The following FAM161A variants were observed in gnomAD, a reference collection of about 807,000 sequenced individuals.
FAM161A encodes protein FAM161A.
FAM161A carries 57 observed loss-of-function variants against 70.9 expected under a neutral mutation model. The ratio of observed to expected loss-of-function variants is 0.80; its 90% CI spans 0.65 to 1.00. FAM161A has a LOEUF of 1.00. Among genes scored for constraint, FAM161A ranks in the 50% least tolerant of loss-of-function variants. The probability of loss-of-function intolerance (pLI) is 0.00; values close to 1 mark genes in which losing one functional copy is unlikely to be tolerated. For synonymous variants in FAM161A, 299 were observed against 295.7 expected, an observed-to-expected ratio of 1.01 and a Z score of -0.12; for missense variants, 880 against 836.0, an observed-to-expected ratio of 1.05 and a Z score of -0.65.
chr2:61,847,005 A>AAC (rs61466786), intron 1 of FAM161A: 426,326 of 436,868 alleles, frequency 0.98, 208,126 homozygotes, highest in East Asian at 1. Context: ...CTCTACTAAA[A>AAC]ACAAAACTTA....
chr2:61,851,921 A>G (rs577726324), intron 1 of FAM161A, among the ~76,000 whole-genome samples: 3 of 152,264 alleles, frequency 2.0e-5, no homozygotes, highest in East Asian at 1.9e-4. Flanking sequence ...GTTAGGTATA[A>G]TATTTGACTT....
At chr2:61,832,242 C>CAAAAAAAAAAAAAAAAA (rs752145480) in intron 5 of FAM161A, among the ~76,000 whole-genome samples, 1 of 137,312 alleles carries the variant, frequency 7.3e-6, no homozygotes. Flanking sequence ...GACCCTGTCA[C>CAAAAAAAAAAAAAAAAA]ACACACACAA....
the FAM161A span, among the ~76,000 whole-genome samples, chr2:61,808,450 T>C: frequency 3.9e-5 from 6 of 152,104 alleles, no homozygotes; most frequent in Admixed American, 3.9e-4. Context: ...TTCTTTGTAT[T>C]TTTAGTAGAA....
At chr2:61,827,083 C>G (rs748527577) in intron 6 of FAM161A, 21 bp downstream of exon 6, 11 of 1,611,970 alleles carry the variant, frequency 6.8e-6, no homozygotes, top group Non-Finnish European at 9.3e-6. Context: ...GTAAGCCATT[C>G]AGACATCTTA....
downstream of FAM161A, among the ~76,000 whole-genome samples, chr2:61,823,589 C>T (rs1343538799): frequency 6.6e-6 from 1 of 151,886 alleles, no homozygotes; most frequent in Admixed American, 6.6e-5. Context: ...TGATCTTGAA[C>T]TCCTGACCTC....
the FAM161A span, among the ~76,000 whole-genome samples, chr2:61,802,231 A>G: frequency 6.6e-6 from 1 of 152,132 alleles, no homozygotes; most frequent in Non-Finnish European, 1.5e-5. Flanking sequence ...CATAAGACCT[A>G]CCCAGGATGT....
rs551481761 is a variant in FAM161A, at chr2:61,845,023, T to C, written c.184-2663A>G. On this transcript the variant is annotated intron_variant, in intron 1 of 6. Transcript: ENST00000404929. The stretch of plus-strand genomic sequence containing the variant: ...CTAGAACATCCATCGCCAGGAAACA[T>C]GTGGATAAATGTCTGGAGACCTGGT... 1.6e-4 allele frequency among the ~76,000 whole-genome samples: 24 copies of C among 152,196 alleles called. 2 individuals carry two copies. In the South Asian group the frequency reaches 5.0e-3, roughly 32 times the overall value.
intron 1 of FAM161A, among the ~76,000 whole-genome samples, chr2:61,843,224 A>G (rs1673085099): frequency 6.6e-6 from 1 of 151,938 alleles, no homozygotes; most frequent in African/African-American, 2.4e-5. Context: ...GCTCACTGCA[A>G]CCTCTGCCTT....
At chr2:61,815,614 G>T in the FAM161A span, among the ~76,000 whole-genome samples, 1 of 141,258 alleles carries the variant, frequency 7.1e-6, no homozygotes, top group Non-Finnish European at 1.5e-5. Flanking sequence ...GCAGTGGCGC[G>T]GTCTCAGCTC....
downstream of FAM161A, among the ~76,000 whole-genome samples, chr2:61,821,479 G>C (rs2105051657): frequency 6.6e-6 from 1 of 152,254 alleles, no homozygotes; most frequent in African/African-American, 2.4e-5. Context: ...AAAATAATTA[G>C]AGTAAGTAGA....
In FAM161A at chr2:61,826,669, AAGTATGCCACCGTGTAGCC is replaced by A. The variant is rs1312554064; in HGVS notation, c.2007-89_2007-71del. The A allele has an allele frequency of 5.3e-6, 7 of 1,323,772 alleles. No homozygotes were observed. The African/African-American group carries it at 8.7e-5, about 16-fold the overall frequency. 82.0% of individuals were successfully genotyped at this position (1,323,772 alleles called of 1,614,324 possible). A position where few individuals can be genotyped will look rare whatever the true frequency, so the allele number is the denominator to read the frequency against. ...GTTTAAAGGTAAACAAACCCTCTGC[AAGTATGCCACCGTGTAGCC>A]AGTCTTCCTCAAGTGTATGAATTCC... is the stretch of plus-strand genomic sequence containing the variant. On this transcript the variant is annotated intron_variant, in intron 6 of 6. Transcript: ENST00000404929.
chr2:61,840,308 C>T lies in FAM161A; in HGVS notation c.696G>A (p.Trp232Ter), dbSNP rs1425868074. The T allele has an allele frequency of 1.2e-6, 2 of 1,614,014 alleles. No individual in the cohort carries two copies. Among genetic ancestry groups the T allele is most frequent in the Non-Finnish European group, 1.7e-6 (2 of 1,180,010 alleles). The change falls in exon 3 of 7, where the codon TGG becomes TGA. Residue 232 changes from tryptophan to a stop codon, truncating the protein, a stop_gained. Coordinates refer to ENST00000404929, the MANE Select transcript of FAM161A (RefSeq NM_001201543.2). LOFTEE classifies it high-confidence loss of function. ...AEKRRKKRKE[W>*]VPTITVPEPF... The stretch of plus-strand genomic sequence containing the variant: ...GCTCCGGTACTGTAATTGTGGGCAC[C>T]CATTCTTTTCGTTTCTTCCTTCTTT...
rs767885504 is a variant in FAM161A at position 61,838,531 on chromosome 2, A to C, written c.1751+7T>G. On this transcript the variant is annotated splice_region_variant and intron_variant, in intron 4 of 6. Transcript: ENST00000404929. ...TGGTCTGGAGATTCAAGATTTTTTCATGATACCTGAGACATTTTACTCTGG... is the reference window on the plus strand; with the variant it reads ...TGGTCTGGAGATTCAAGATTTTTTCCTGATACCTGAGACATTTTACTCTGG... 8 of 1,598,324 alleles carry C rather than the reference A, an allele frequency of 5.0e-6. No individual in the cohort carries two copies. The highest frequency in any genetic ancestry group is 6.8e-6 in the Non-Finnish European group (8 of 1,172,404).
chr2:61,826,603 G>C lies in FAM161A; in HGVS notation c.2007-4C>G, dbSNP rs1672377766. On this transcript the variant is annotated splice_region_variant and splice_polypyrimidine_tract_variant and intron_variant, in intron 6 of 6. Transcript: ENST00000404929. ...TATTTTTTCTTCTTCATTAAAGCTA[G>C]GGGAAGAAATTTATCAATCTTTCAA... is the stretch of plus-strand genomic sequence containing the variant. The C allele has an allele frequency of 1.9e-6, 3 of 1,600,256 alleles. No individual in the cohort carries two copies. Among genetic ancestry groups the C allele is most frequent in the Middle Eastern group, 1.9e-4 (1 of 5,212 alleles).
intron 1 of FAM161A, among the ~76,000 whole-genome samples, chr2:61,851,551 C>T (rs979424649): frequency 6.6e-6 from 1 of 151,824 alleles, no homozygotes; most frequent in African/African-American, 2.4e-5. Flanking sequence ...GCCAGGCTGG[C>T]CTCAAACTCC....
the FAM161A span, among the ~76,000 whole-genome samples, chr2:61,806,285 C>T: frequency 1.1e-4 from 16 of 152,086 alleles, no homozygotes; most frequent in Non-Finnish European, 1.9e-4. Context: ...CTTTTGAGGG[C>T]GCCATCGCTA....
the FAM161A span, among the ~76,000 whole-genome samples, chr2:61,813,808 A>T: frequency 6.6e-6 from 1 of 152,156 alleles, no homozygotes; most frequent in African/African-American, 2.4e-5. Context: ...GTGCTTGATT[A>T]TTATGGATTT....
chr2:61,811,828 A>G, the FAM161A span, among the ~76,000 whole-genome samples: 11 of 152,272 alleles, frequency 7.2e-5, no homozygotes, highest in Non-Finnish European at 1.3e-4. Flanking sequence ...TTAAAACCCA[A>G]GTCCCTGCTC....
intron 5 of FAM161A, chr2:61,835,406 T>G (rs1241011978): frequency 6.6e-6 from 1 of 152,282 alleles, no homozygotes; most frequent in Non-Finnish European, 1.5e-5. Context: ...GACTAGTTTG[T>G]TTTTCGTATA....
Sources: gnomAD v4.1 joint callset for allele counts (sites outside exome capture counted in the v4.1 genomes callset) on GRCh38, gnomAD v4.1.1 for gene constraint, MANE v1.5 for transcripts, NCBI Gene and HGNC (gene_info 2026-07-23, HGNC 2026-07-21) for gene names.